The following C1orf74 variants were observed in gnomAD, a reference collection of about 807,000 sequenced individuals.
C1orf74 encodes chromosome 1 open reading frame 74.
Under a neutral mutation model 7.3 loss-of-function variants are expected in C1orf74, and 5 were observed. The ratio of observed to expected loss-of-function variants is 0.68; its 90% CI spans 0.36 to 1.44. C1orf74 has a LOEUF of 1.44. Among genes scored for constraint, C1orf74 ranks in the 40% most tolerant of loss-of-function variants. The pLI is 0.04. For synonymous variants in C1orf74, 121 were observed against 132.5 expected, an observed-to-expected ratio of 0.91 and a Z score of 0.59; for missense variants, 291 against 314.3, an observed-to-expected ratio of 0.93 and a Z score of 0.56.
chr1:209,783,945 A>C (rs1187217530), intron 1 of C1orf74, among the ~76,000 whole-genome samples: 1 of 151,838 alleles, frequency 6.6e-6, no homozygotes, highest in African/African-American at 2.4e-5. Flanking sequence ...TCTAAATTTC[A>C]CCTGTTGCAA....
In C1orf74 at chr1:209,779,333, C is replaced by A; in HGVS notation, c.*3492G>T. 6.2e-7 allele frequency: 1 copy of A among 1,614,136 alleles called. No individual in the cohort carries two copies. The highest frequency in any genetic ancestry group is 1.7e-5 in the Admixed American group (1 of 60,022). On this transcript the variant is annotated 3_prime_UTR_variant, in exon 2 of 2. Transcript: ENST00000294811. ...CCAACAGGTTTGCTTCAAAATCAAT[C>A]CTTACAGCTTCAAGAACAGGAGAAA...
chr1:209,781,135 A>G lies in C1orf74; in HGVS notation c.*1690T>C, dbSNP rs1408597420. 1.4e-5 allele frequency: 5 copies of G among 369,782 alleles called. 1 individual carries two copies. The highest frequency in any genetic ancestry group is 4.1e-5 in the African/African-American group (2 of 48,320). The allele number at this position is 369,782 out of a possible 1,614,324, so 22.9% of individuals were successfully genotyped here. ...ACTTAAATGTATAAAATGTAATACT[A>G]TAATATGCATTACTGTCAATCATTT... On this transcript the variant is annotated 3_prime_UTR_variant, in exon 2 of 2. Transcript: ENST00000294811.
rs892751179 is a variant in C1orf74 at position 209,784,532 on chromosome 1, CCA to C, written c.-232_-231del. 3.3e-5 allele frequency: 5 copies of C among 152,292 alleles called. No individual in the cohort carries two copies. Among genetic ancestry groups the C allele is most frequent in the Admixed American group, 6.5e-5 (1 of 15,294 alleles). 9.4% of individuals were successfully genotyped at this position (152,292 alleles called of 1,614,324 possible). On this transcript the variant is annotated 5_prime_UTR_variant, in exon 1 of 2. It removes the in-frame stop codon of an upstream open reading frame in the 5' UTR. Transcript: ENST00000294811. ...GAAGACCCTCGCAGCCCGCTCTGCT[CCA>C]GTCCCGCAGGCACCTTCTTGCGCAT...
At position 209,783,523 on chromosome 1, in the gene C1orf74, G is replaced by C. The variant is rs2077812168; in HGVS notation, c.112C>G (p.His38Asp). The C allele has an allele frequency of 1.2e-6, 2 of 1,614,194 alleles. No homozygotes were observed. The highest frequency in any genetic ancestry group is 4.5e-5 in the East Asian group (2 of 44,874). Residue 38 changes from histidine to aspartate, a missense_variant, in exon 2 of 2, where the codon CAC (histidine) becomes GAC (aspartate). Physicochemically the swap from His to Asp is moderately conservative, Grantham distance 81. Coordinates refer to ENST00000294811, the MANE Select transcript of C1orf74 (RefSeq NM_152485.4). Reference protein sequence around the residue: ...RRSPPQAICLHLAGEVLAVAR... With the variant: ...RRSPPQAICLDLAGEVLAVAR... ...ACAGCCAGCACCTCTCCAGCTAAGT[G>C]AAGGCAGATGGCTTGGGGTGGACTC...
rs1263114153 is a variant in C1orf74, at chr1:209,782,911, G to T, written c.724C>A (p.Leu242Ile). Residue 242 changes from leucine to isoleucine, a missense_variant, in exon 2 of 2, where the codon CTC (leucine) becomes ATC (isoleucine). Transcript: ENST00000294811. ...RDILNTWEKD[L>I]RTRFRTQNDF... ...TTCTGAGTCCTAAATCGGGTTCTGA[G>T]GTCCTTCTCCCAGGTGTTTAGAATG... 1.2e-6 allele frequency: 2 copies of T among 1,614,178 alleles called. No homozygotes were observed. Among genetic ancestry groups the T allele is most frequent in the South Asian group, 2.2e-5 (2 of 91,084 alleles).
chr1:209,782,215 T>G lies in C1orf74; in HGVS notation c.*610A>C. ...CAACTCAGCGAAAAACTCAGAAGGT[T>G]TGGGTACATTACAGCTTGGGTTTTC... On this transcript the variant is annotated 3_prime_UTR_variant, in exon 2 of 2. Transcript: ENST00000294811. The G allele has an allele frequency of 7.8e-7, 1 of 1,281,018 alleles. No homozygotes were observed. Among genetic ancestry groups the G allele is most frequent in the South Asian group, 1.2e-5 (1 of 84,118 alleles). The allele number at this position is 1,281,018 out of a possible 1,614,324, so 79.4% of individuals were successfully genotyped here.
Position 209,783,027 on chromosome 1 carries a change from A to T in C1orf74, c.608T>A (p.Phe203Tyr), listed in dbSNP as rs751662185. The T allele has an allele frequency of 1.7e-5, 27 of 1,614,084 alleles. No homozygotes were observed. The South Asian group carries it at 2.7e-4, about 16-fold the overall frequency. Residue 203 changes from phenylalanine (F) to tyrosine (Y), a missense_variant, in exon 2 of 2, where the codon TTC (phenylalanine) becomes TAC (tyrosine). Coordinates refer to ENST00000294811, the MANE Select transcript of C1orf74 (RefSeq NM_152485.4). ...NCLALTPLRV[F>Y]TARISWLLGQ... ...TAGCAACCATGAGATCCGGGCAGTG[A>T]ATACTCGTAGTGGAGTCAGAGCTAA...
In C1orf74 at chr1:209,781,991, T is replaced by C. The variant is rs2077791926; in HGVS notation, c.*834A>G. The C allele has an allele frequency of 1.5e-6, 2 of 1,351,602 alleles. No individual in the cohort carries two copies. Among genetic ancestry groups the C allele is most frequent in the East Asian group, 2.3e-5 (1 of 43,386 alleles). 83.7% of individuals were successfully genotyped at this position (1,351,602 alleles called of 1,614,324 possible). On this transcript the variant is annotated 3_prime_UTR_variant, in exon 2 of 2. Coordinates refer to ENST00000294811, the MANE Select transcript of C1orf74 (RefSeq NM_152485.4). Reference sequence around the variant, plus strand: ...TGGGCTAGAGTAGGAAGAAGAAAGATTTTTGCCTATATCTTTTCCAATCCA... The same window carrying C: ...TGGGCTAGAGTAGGAAGAAGAAAGACTTTTGCCTATATCTTTTCCAATCCA...
chr1:209,779,749 A>T lies in C1orf74; in HGVS notation c.*3076T>A, dbSNP rs1376520459. 1.5e-5 allele frequency: 8 copies of T among 542,842 alleles called. No homozygotes were observed. The Admixed American group carries it at 2.1e-4, about 14-fold the overall frequency. The allele number at this position is 542,842 out of a possible 1,614,324, so 33.6% of individuals were successfully genotyped here. A position where few individuals can be genotyped will look rare whatever the true frequency, so the allele number is the denominator to read the frequency against. On this transcript the variant is annotated 3_prime_UTR_variant, in exon 2 of 2. Transcript: ENST00000294811. ...AGCAGTCCAGAGTCAACTCACTGTT[A>T]GCCCTAGAGAGTCTACTGTCCATGT...
At position 209,781,459 on chromosome 1, in the gene C1orf74, GT is replaced by G; in HGVS notation, c.*1365del. The G allele has an allele frequency of 1.9e-6, 3 of 1,607,992 alleles. No individual in the cohort carries two copies. Among genetic ancestry groups the G allele is most frequent in the Non-Finnish European group, 2.6e-6 (3 of 1,174,820 alleles). On this transcript the variant is annotated 3_prime_UTR_variant, in exon 2 of 2. Transcript: ENST00000294811. The stretch of plus-strand genomic sequence containing the variant: ...CCAGAGCCAGCAGCTGCCTCCCAGA[GT>G]AAGAGGGTCTCTCCTTCCCATAAAG...
At position 209,781,631 on chromosome 1, in the gene C1orf74, G is replaced by A. The variant is rs77204351; in HGVS notation, c.*1194C>T. 2,379 of 522,348 alleles carry A rather than the reference G, an allele frequency of 4.6e-3. 43 individuals carry two copies. Among genetic ancestry groups the A allele is most frequent in the African/African-American group, 0.04 (2,107 of 52,026 alleles). The allele number at this position is 522,348 out of a possible 1,614,324, so 32.4% of individuals were successfully genotyped here. A position where few individuals can be genotyped will look rare whatever the true frequency, so the allele number is the denominator to read the frequency against. On this transcript the variant is annotated 3_prime_UTR_variant, in exon 2 of 2. Coordinates refer to ENST00000294811, the MANE Select transcript of C1orf74 (RefSeq NM_152485.4). ...CAACCATTGAAAAAAACACTGGCTCGTCCATCAAAGCCCAACTTTCACAGA... is the reference window on the plus strand; with the variant it reads ...CAACCATTGAAAAAAACACTGGCTCATCCATCAAAGCCCAACTTTCACAGA...
In C1orf74 at chr1:209,780,635, C is replaced by T; in HGVS notation, c.*2190G>A. On this transcript the variant is annotated 3_prime_UTR_variant, in exon 2 of 2. Transcript: ENST00000294811. ...AGAGGGTGACCTGAGATAGTGAGGGCTCATTTGCGAAATAGCAGAGAAACC... is the reference window on the plus strand; with the variant it reads ...AGAGGGTGACCTGAGATAGTGAGGGTTCATTTGCGAAATAGCAGAGAAACC... 1 of 1,495,614 alleles carries T rather than the reference C, an allele frequency of 6.7e-7. No homozygotes were observed. Among genetic ancestry groups the T allele is most frequent in the Admixed American group, 2.2e-5 (1 of 46,392 alleles). 92.6% of individuals were successfully genotyped at this position (1,495,614 alleles called of 1,614,324 possible).
Position 209,782,463 on chromosome 1 carries a change from G to T in C1orf74, c.*362C>A. On this transcript the variant is annotated 3_prime_UTR_variant, in exon 2 of 2. Transcript: ENST00000294811. ...CCCAGCCCTACTTTCCTAGCATGCA[G>T]CACCCACATAGAGCAGGTATATTTA... 1 of 464,212 alleles carries T rather than the reference G, an allele frequency of 2.2e-6. No homozygotes were observed. The highest frequency in any genetic ancestry group is 2.4e-5 in the South Asian group (1 of 42,478). 28.8% of individuals were successfully genotyped at this position (464,212 alleles called of 1,614,324 possible).
rs1440350774 is a variant in C1orf74 at position 209,781,222 on chromosome 1, G to T, written c.*1603C>A. ...AGACAAACTCAAATCCCTGAGAATG[G>T]CTGGGAAGGGAAGATGGTGGTAAAA... is the stretch of plus-strand genomic sequence containing the variant. On this transcript the variant is annotated 3_prime_UTR_variant, in exon 2 of 2. Coordinates refer to ENST00000294811, the MANE Select transcript of C1orf74 (RefSeq NM_152485.4). The T allele has an allele frequency of 3.3e-6, 2 of 605,708 alleles. No individual in the cohort carries two copies. Among genetic ancestry groups the T allele is most frequent in the Non-Finnish European group, 6.0e-6 (2 of 330,644 alleles). The allele number at this position is 605,708 out of a possible 1,614,324, so 37.5% of individuals were successfully genotyped here.
In C1orf74 at chr1:209,783,493, G is replaced by A. The variant is rs1232085941; in HGVS notation, c.142C>T (p.Arg48Trp). The A allele has an allele frequency of 6.8e-6, 11 of 1,613,996 alleles. No homozygotes were observed. The Middle Eastern group carries it at 4.9e-4, about 72-fold the overall frequency. ...HLAGEVLAVARGLKPAVLYDC... is the reference protein window; with the variant it reads ...HLAGEVLAVAWGLKPAVLYDC... The stretch of plus-strand genomic sequence containing the variant: ...TAGAGCACAGCTGGCTTCAGTCCCC[G>A]GGCCACAGCCAGCACCTCTCCAGCT... Residue 48 changes from arginine (R) to tryptophan (W), a missense_variant, in exon 2 of 2, where the codon CGG (arginine) becomes TGG (tryptophan). Arg to Trp is a moderately radical substitution (Grantham distance 101, BLOSUM62 -3). Transcript: ENST00000294811.
In C1orf74 at chr1:209,782,155, T is replaced by G. The variant is rs1362263501; in HGVS notation, c.*670A>C. The G allele has an allele frequency of 1.2e-6, 2 of 1,609,650 alleles. No homozygotes were observed. The highest frequency in any genetic ancestry group is 1.7e-5 in the Admixed American group (1 of 60,000). ...AGACAACCTGATGATCTGAATAATT[T>G]GTGACAACTGCCTTGGGTGAAAATC... is the stretch of plus-strand genomic sequence containing the variant. On this transcript the variant is annotated 3_prime_UTR_variant, in exon 2 of 2. Coordinates refer to ENST00000294811, the MANE Select transcript of C1orf74 (RefSeq NM_152485.4).
chr1:209,782,158 G>A lies in C1orf74; in HGVS notation c.*667C>T. On this transcript the variant is annotated 3_prime_UTR_variant, in exon 2 of 2. Coordinates refer to ENST00000294811, the MANE Select transcript of C1orf74 (RefSeq NM_152485.4). ...CAACCTGATGATCTGAATAATTTGT[G>A]ACAACTGCCTTGGGTGAAAATCAGA... The A allele has an allele frequency of 1.2e-6, 2 of 1,608,506 alleles. No homozygotes were observed. Among genetic ancestry groups the A allele is most frequent in the Non-Finnish European group, 8.5e-7 (1 of 1,174,890 alleles).
In C1orf74 at chr1:209,780,658, A is replaced by G; in HGVS notation, c.*2167T>C. ...GGCTCATTTGCGAAATAGCAGAGAA[A>G]CCTGGGAGGCAGTCAAAAAGCAGGG... On this transcript the variant is annotated 3_prime_UTR_variant, in exon 2 of 2. Coordinates refer to ENST00000294811, the MANE Select transcript of C1orf74 (RefSeq NM_152485.4). The G allele has an allele frequency of 6.9e-7, 1 of 1,446,700 alleles. No homozygotes were observed. Among genetic ancestry groups the G allele is most frequent in the Non-Finnish European group, 9.2e-7 (1 of 1,086,132 alleles). 89.6% of individuals were successfully genotyped at this position (1,446,700 alleles called of 1,614,324 possible).
chr1:209,780,737 A>T lies in C1orf74; in HGVS notation c.*2088T>A, dbSNP rs1422418821. ...ACCACAGACATTCATTTGCCTACAT[A>T]AAGTGTCTGTGCTTTTGGGCTGACT... On this transcript the variant is annotated 3_prime_UTR_variant, in exon 2 of 2. Transcript: ENST00000294811. The T allele has an allele frequency of 1.4e-5, 12 of 848,950 alleles. No homozygotes were observed. Among genetic ancestry groups the T allele is most frequent in the Middle Eastern group, 3.6e-4 (1 of 2,770 alleles). 52.6% of individuals were successfully genotyped at this position (848,950 alleles called of 1,614,324 possible). A position where few individuals can be genotyped will look rare whatever the true frequency, so the allele number is the denominator to read the frequency against.
Sources: gnomAD v4.1 joint callset for allele counts (sites outside exome capture counted in the v4.1 genomes callset) on GRCh38, gnomAD v4.1.1 for gene constraint, MANE v1.5 for transcripts, NCBI Gene and HGNC (gene_info 2026-07-23, HGNC 2026-07-21) for gene names.